The following IQGAP1 variants were observed in gnomAD, a reference collection of about 807,000 sequenced individuals.
The protein encoded by IQGAP1 is IQ motif containing GTPase activating protein 1.
In IQGAP1, 66 loss-of-function variants were observed where a neutral mutation model predicts 215.6. The ratio of observed to expected loss-of-function variants is 0.31; its 90% CI spans 0.25 to 0.38. The LOEUF (loss-of-function observed/expected upper bound fraction) is 0.38. IQGAP1 is among the 10% of genes least tolerant of loss of function. The pLI is 1.00. For synonymous variants in IQGAP1, 772 were observed against 728.7 expected, an observed-to-expected ratio of 1.06 and a Z score of -0.96; for missense variants, 1,712 against 1,997.1, an observed-to-expected ratio of 0.86 and a Z score of 2.72.
intron 2 of IQGAP1, among the ~76,000 whole-genome samples, chr15:90,414,622 T>C (rs1234020738): frequency 1.3e-5 from 2 of 152,202 alleles, no homozygotes; most frequent in Non-Finnish European, 2.9e-5. Flanking sequence ...TCACAGACGC[T>C]ATCTTTGTCT....
intron 18 of IQGAP1, among the ~76,000 whole-genome samples, chr15:90,468,401 C>T (rs1360750907): frequency 6.6e-6 from 1 of 152,178 alleles, no homozygotes; most frequent in African/African-American, 2.4e-5. Context: ...TCAAATGTAG[C>T]AGGTACTCTT....
rs1339892766 is a variant in IQGAP1, at chr15:90,440,614, A to G, written c.648A>G (p.Ala216=). 4 of 1,552,836 alleles carry G rather than the reference A, an allele frequency of 2.6e-6. No homozygotes were observed. The highest frequency in any genetic ancestry group is 2.4e-5 in the East Asian group (1 of 42,176). The change falls in exon 7 of 38, where the codon GCA becomes GCG. Residue 216 remains alanine (A), a splice_region_variant and synonymous_variant. Transcript: ENST00000268182. The stretch of plus-strand genomic sequence containing the variant: ...ATGAACTGTCAGTGGATGAAGCCGC[A>G]TGTAAGAAGAGAGAAATTTTGTGGG... ...LANELSVDEA[A]LHAAVIAINE... is the part of the protein sequence containing the mutation.
chr15:90,466,967 C>T (rs1965841517), intron 17 of IQGAP1, among the ~76,000 whole-genome samples: 1 of 152,036 alleles, frequency 6.6e-6, no homozygotes, highest in African/African-American at 2.4e-5. Context: ...TGGCGTGTGC[C>T]TGTAATCCCA....
At chr15:90,451,398 A>G (rs968790336) in intron 11 of IQGAP1, among the ~76,000 whole-genome samples, 4 of 152,188 alleles carry the variant, frequency 2.6e-5, no homozygotes, top group African/African-American at 9.7e-5. Context: ...AAGTGGGCTC[A>G]TGTGAAGAGA....
At chr15:90,443,161 A>T (rs1017621147) in intron 8 of IQGAP1, among the ~76,000 whole-genome samples, 1 of 152,120 alleles carries the variant, frequency 6.6e-6, no homozygotes, top group South Asian at 2.1e-4. Flanking sequence ...GGGTCTCGCT[A>T]TGTTGCCCAG....
At chr15:90,422,662 A>ATATGTATATATATATG (rs1965161743) in intron 2 of IQGAP1, among the ~76,000 whole-genome samples, 5 of 73,116 alleles carry the variant, frequency 6.8e-5, no homozygotes, top group Admixed American at 1.4e-4. Flanking sequence ...ATATATATGT[A>ATATGTATATATATATG]TATATATATA....
chr15:90,432,955 C>G (rs1965322914), intron 4 of IQGAP1, among the ~76,000 whole-genome samples: 1 of 152,180 alleles, frequency 6.6e-6, no homozygotes, highest in Admixed American at 6.5e-5. Flanking sequence ...ACCTCATTCA[C>G]TAACTCATCG....
At chr15:90,497,468 T>C in intron 37 of IQGAP1, 128 bp downstream of exon 37, 1 of 592,864 alleles carries the variant, frequency 1.7e-6, no homozygotes, top group Admixed American at 3.2e-5. Flanking sequence ...GGCTCCACAC[T>C]GCGGGGAAAG....
At chr15:90,401,543 CT>C (rs1176503525) in intron 2 of IQGAP1, among the ~76,000 whole-genome samples, 6 of 152,228 alleles carry the variant, frequency 3.9e-5, no homozygotes, top group Non-Finnish European at 8.8e-5. Context: ...GCCTCTCCCC[CT>C]CTTCCTCATT....
At chr15:90,464,475 T>C (rs1469477581) in intron 15 of IQGAP1, among the ~76,000 whole-genome samples, 1 of 152,126 alleles carries the variant, frequency 6.6e-6, no homozygotes, top group Non-Finnish European at 1.5e-5. Flanking sequence ...TTGTGCTAAC[T>C]CTCAGTAACA....
At chr15:90,398,277 T>A (rs1222186811) in intron 2 of IQGAP1, among the ~76,000 whole-genome samples, 2 of 152,166 alleles carry the variant, frequency 1.3e-5, no homozygotes, top group African/African-American at 4.8e-5. Context: ...GTCCTAAGGT[T>A]GGTAGCCCTA....
chr15:90,481,964 C>T lies in IQGAP1; in HGVS notation c.3334C>T (p.Leu1112=). ...GTATAATTTCTGTCTTCCCAGCAAA[C>T]TGCCCTATGATGTGACCCCTGAGCA... ...MESQTGEASK[L]PYDVTPEQAL... Residue 1112 remains leucine, a synonymous_variant, in exon 27 of 38, where the codon CTG becomes TTG. Transcript: ENST00000268182. 1 of 1,614,126 alleles carries T rather than the reference C, an allele frequency of 6.2e-7. No individual in the cohort carries two copies. Among genetic ancestry groups the T allele is most frequent in the Admixed American group, 1.7e-5 (1 of 60,020 alleles).
intron 2 of IQGAP1, among the ~76,000 whole-genome samples, chr15:90,402,661 T>C (rs998593060): frequency 1.3e-5 from 2 of 152,108 alleles, no homozygotes; most frequent in East Asian, 3.9e-4. Flanking sequence ...GGATTATTGA[T>C]GAGCAACATA....
At chr15:90,435,328 T>A (rs929012956) in intron 5 of IQGAP1, among the ~76,000 whole-genome samples, 1 of 152,078 alleles carries the variant, frequency 6.6e-6, no homozygotes, top group African/African-American at 2.4e-5. Flanking sequence ...AATAAAAAAT[T>A]AGCTAGGCAT....
In IQGAP1 at chr15:90,448,745, A is replaced by G; in HGVS notation, c.1077+9A>G. ...AACAGCAGAAGAGACAGGTAAACAT[A>G]GTCTGGATTGAAGCTGCAAGAGTTT... On this transcript the variant is annotated intron_variant, in intron 10 of 37. Transcript: ENST00000268182. The G allele has an allele frequency of 1.3e-6, 2 of 1,550,702 alleles. No individual in the cohort carries two copies. The highest frequency in any genetic ancestry group is 1.7e-6 in the Non-Finnish European group (2 of 1,148,494).
chr15:90,481,265 G>A (rs1966054465), intron 26 of IQGAP1, among the ~76,000 whole-genome samples: 1 of 128,576 alleles, frequency 7.8e-6, no homozygotes, highest in Admixed American at 8.5e-5. Flanking sequence ...AGCTCTCTCT[G>A]CCTCTTTTTT....
chr15:90,448,748 C>A lies in IQGAP1; in HGVS notation c.1077+12C>A. ...AGCAGAAGAGACAGGTAAACATAGT[C>A]TGGATTGAAGCTGCAAGAGTTTGTA... On this transcript the variant is annotated intron_variant, in intron 10 of 37. Coordinates refer to ENST00000268182, the MANE Select transcript of IQGAP1 (RefSeq NM_003870.4). The A allele has an allele frequency of 1.3e-6, 2 of 1,546,280 alleles. No individual in the cohort carries two copies. The highest frequency in any genetic ancestry group is 2.4e-5 in the South Asian group (2 of 81,696).
chr15:90,466,425 A>C lies in IQGAP1; in HGVS notation c.2024A>C (p.Lys675Thr). ...HSDLAEAKKK[K>T]LAVGDNNSKW... ...GATCTTGCTGAAGCCAAGAAGAAAA[A>C]ACTGGCAGTAGGTGAGTTCTGGGAT... Residue 675 changes from lysine to threonine, a missense_variant, in exon 17 of 38, where the codon AAA (lysine) becomes ACA (threonine). Lys to Thr is a moderately conservative substitution (Grantham distance 78, BLOSUM62 -1). Around this residue, in one of 2 missense-constraint regions of IQGAP1, gnomAD observed 1,021 missense variants for 1,074.2 expected, o/e 0.95. Transcript: ENST00000268182. The C allele has an allele frequency of 8.1e-6, 13 of 1,614,044 alleles. No homozygotes were observed. The highest frequency in any genetic ancestry group is 1.1e-5 in the Non-Finnish European group (13 of 1,180,012).
chr15:90,408,561 A>G (rs1964912252), intron 2 of IQGAP1, among the ~76,000 whole-genome samples: 2 of 152,200 alleles, frequency 1.3e-5, no homozygotes, highest in Non-Finnish European at 2.9e-5. Context: ...ATGGTAGGTC[A>G]TGAAAAGGTT....
Sources: allele counts gnomAD v4.1 joint callset (sites outside exome capture counted in the v4.1 genomes callset), GRCh38; gene constraint gnomAD v4.1.1; regional missense constraint gnomAD v4.1.1; transcripts MANE v1.5; gene names NCBI Gene and HGNC (gene_info 2026-07-23, HGNC 2026-07-21).